Variants in SDK2 observed in about 807,000 individuals in gnomAD.
The protein encoded by SDK2 is sidekick cell adhesion molecule 2.
Under a neutral mutation model 253.9 loss-of-function variants are expected in SDK2, and 105 were observed. The ratio of observed to expected loss-of-function variants is 0.41; its 90% CI spans 0.35 to 0.49. SDK2 has a LOEUF of 0.49. Among genes scored for constraint, SDK2 ranks in the 20% least tolerant of loss-of-function variants. The probability of loss-of-function intolerance (pLI) is 0.06; values close to 1 mark genes in which losing one functional copy is unlikely to be tolerated. For missense variants in SDK2, 2,608 were observed against 3,003.0 expected, an observed-to-expected ratio of 0.87 and a Z score of 3.07; for synonymous variants, 1,249 against 1,234.9, an observed-to-expected ratio of 1.01 and a Z score of -0.24.
intron 3 of SDK2, among the ~76,000 whole-genome samples, chr17:73,469,991 C>CGCGCGT (rs2063634574): frequency 9.9e-6 from 1 of 100,762 alleles, no homozygotes; most frequent in South Asian, 3.1e-4. Flanking sequence ...TGCGCGCGCG[C>CGCGCGT]GCACACACAC....
rs541270414 is a variant in SDK2, at chr17:73,423,393, C to T, written c.1890G>A (p.Ser630=). Residue 630 remains serine (S), a synonymous_variant, in exon 14 of 45, where the codon TCG becomes TCA. Transcript: ENST00000392650. The stretch of plus-strand genomic sequence containing the variant: ...TGACCACGGGAAGCTTACTGTTCTC[C>T]GACATCTCCAGAATGTAGCGGATCA... ...SPLIRYILEM[S]ENNAPWTVLL... 4.7e-5 allele frequency: 70 copies of T among 1,482,842 alleles called. No individual in the cohort carries two copies. The highest frequency in any genetic ancestry group is 2.3e-4 in the Admixed American group (10 of 43,960). 91.9% of individuals were successfully genotyped at this position (1,482,842 alleles called of 1,614,324 possible). A position where few individuals can be genotyped will look rare whatever the true frequency, so the allele number is the denominator to read the frequency against.
At chr17:73,460,637 C>T (rs2063557305) in intron 3 of SDK2, among the ~76,000 whole-genome samples, 1 of 152,306 alleles carries the variant, frequency 6.6e-6, no homozygotes, top group Non-Finnish European at 1.5e-5. Context: ...CAAAACCATT[C>T]AAATAGAATT....
At position 73,361,646 on chromosome 17, in the gene SDK2, G is replaced by A. The variant is rs368295307; in HGVS notation, c.5467+38C>T. The A allele has an allele frequency of 4.5e-5, 72 of 1,590,158 alleles. No homozygotes were observed. In the Middle Eastern group the frequency reaches 1.2e-3, roughly 26 times the overall value. ...CCCTTCTGACTGGGGACGCTGAACC[G>A]CCGTGTGGAAGACATGCCTGGTCCG... On this transcript the variant is annotated intron_variant, in intron 39 of 44. Coordinates refer to ENST00000392650, the MANE Select transcript of SDK2 (RefSeq NM_001144952.2). This position sits in a 1 kb window ranked among gnomAD's most constrained non-coding sequence, Gnocchi z 4.1.
intron 40 of SDK2, among the ~76,000 whole-genome samples, chr17:73,355,019 C>T (rs996306105): frequency 3.3e-5 from 5 of 151,268 alleles, no homozygotes; most frequent in Non-Finnish European, 7.4e-5. Flanking sequence ...TCCCCACTTC[C>T]AGTGTGGATC....
intron 20 of SDK2, 104 bp from the exon 21 acceptor site, chr17:73,401,315 C>T (rs758404092): frequency 4.2e-5 from 47 of 1,112,918 alleles, no homozygotes; most frequent in Non-Finnish European, 5.3e-5. Context: ...ATTAGATCCA[C>T]GCTGGGAGCA....
chr17:73,611,750 C>T (rs547274078), intron 1 of SDK2, among the ~76,000 whole-genome samples: 14 of 152,380 alleles, frequency 9.2e-5, no homozygotes, highest in Admixed American at 4.6e-4. Flanking sequence ...CCACTCCACG[C>T]TCCTCCTATT....
Position 73,455,349 on chromosome 17 carries a change from C to T in SDK2, c.479+557G>A, listed in dbSNP as rs1020148869. On this transcript the variant is annotated intron_variant, in intron 4 of 44. Coordinates refer to ENST00000392650, the MANE Select transcript of SDK2 (RefSeq NM_001144952.2). This position sits in a 1 kb window ranked among gnomAD's most constrained non-coding sequence, Gnocchi z 5.0. ...CCTCCTGCCCACAGGCTGGGCTGCCCCAGCCAATCCCAGGGGGCACACAGA... is the reference window on the plus strand; with the variant it reads ...CCTCCTGCCCACAGGCTGGGCTGCCTCAGCCAATCCCAGGGGGCACACAGA... Among the ~76,000 whole-genome samples, 3 of 152,166 alleles carry T rather than the reference C, an allele frequency of 2.0e-5. No homozygotes were observed. Among genetic ancestry groups the T allele is most frequent in the African/African-American group, 7.2e-5 (3 of 41,450 alleles).
At chr17:73,485,085 C>T (rs552329626) in intron 2 of SDK2, among the ~76,000 whole-genome samples, 6 of 152,212 alleles carry the variant, frequency 3.9e-5, no homozygotes, top group Admixed American at 6.5e-5. Context: ...AGGCACTAGG[C>T]GTTAGGACAT....
At chr17:73,388,141 G>C in intron 29 of SDK2, 104 bp from the exon 30 acceptor site, 1 of 787,386 alleles carries the variant, frequency 1.3e-6, no homozygotes, top group Non-Finnish European at 2.1e-6. Flanking sequence ...GCTCAGGCCT[G>C]GCATCCCCTT....
At chr17:73,632,627 AT>A (rs1408136418) in intron 1 of SDK2, among the ~76,000 whole-genome samples, 1 of 152,154 alleles carries the variant, frequency 6.6e-6, no homozygotes, top group African/African-American at 2.4e-5. Context: ...AATACTCTTA[AT>A]AAACTCCCCT....
chr17:73,338,309 G>A lies in SDK2; in HGVS notation c.*278C>T. On this transcript the variant is annotated 3_prime_UTR_variant, in exon 45 of 45. Coordinates refer to ENST00000392650, the MANE Select transcript of SDK2 (RefSeq NM_001144952.2). The surrounding 1 kb of genome is among the most constrained non-coding windows in gnomAD (Gnocchi z 5.0). ...CCCGCCCCACTCCGTGTCCATAGCA[G>A]TGACACAGCCACTTCCCCAGCTCCG... The A allele has an allele frequency of 1.7e-6, 1 of 598,616 alleles. No individual in the cohort carries two copies. The highest frequency in any genetic ancestry group is 3.1e-6 in the Non-Finnish European group (1 of 319,158). 37.1% of individuals were successfully genotyped at this position (598,616 alleles called of 1,614,324 possible).
At chr17:73,444,681 C>T (rs2063439527) in intron 5 of SDK2, among the ~76,000 whole-genome samples, 1 of 152,224 alleles carries the variant, frequency 6.6e-6, no homozygotes, top group Non-Finnish European at 1.5e-5. Flanking sequence ...CCACCTGTGC[C>T]ACCTCATTTA....
chr17:73,480,890 T>C (rs1434147081), intron 2 of SDK2, among the ~76,000 whole-genome samples: 2 of 152,170 alleles, frequency 1.3e-5, no homozygotes, highest in Non-Finnish European at 2.9e-5. Flanking sequence ...CCAGGGCACC[T>C]CAGGAACAGC....
chr17:73,456,420 G>A (rs1479752318), intron 3 of SDK2, among the ~76,000 whole-genome samples: 4 of 152,100 alleles, frequency 2.6e-5, no homozygotes, highest in Non-Finnish European at 5.9e-5. Context: ...ATTTGAACTC[G>A]GACCTTAAAC....
rs759027121 is a variant in SDK2, at chr17:73,570,610, C to T, written c.65-63013G>A. ...CTACCCGTGAGGCACTGAACACCAC[C>T]ATCAGCTCACCGCCATCTCGCAGCC... is the stretch of plus-strand genomic sequence containing the variant. On this transcript the variant is annotated intron_variant, in intron 1 of 44. Transcript: ENST00000392650. The surrounding 1 kb of genome is among the most constrained non-coding windows in gnomAD (Gnocchi z 4.2). 6.6e-6 allele frequency among the ~76,000 whole-genome samples: 1 copy of T among 152,198 alleles called. No individual in the cohort carries two copies. Among genetic ancestry groups the T allele is most frequent in the African/African-American group, 2.4e-5 (1 of 41,446 alleles).
intron 2 of SDK2, among the ~76,000 whole-genome samples, chr17:73,484,356 TC>T (rs2063757254): frequency 6.6e-6 from 1 of 152,188 alleles, no homozygotes; most frequent in Non-Finnish European, 1.5e-5. Context: ...GACCCACTTC[TC>T]CGGGCTCACT....
In SDK2 at chr17:73,437,789, T is replaced by G; in HGVS notation, c.950A>C (p.His317Pro). The G allele has an allele frequency of 6.2e-7, 1 of 1,614,004 alleles. No individual in the cohort carries two copies. The highest frequency in any genetic ancestry group is 1.7e-5 in the Admixed American group (1 of 60,024). ...CACCTTCTCCATCTCCGCAGTGATG[T>G]GTCTTTCTGGCTCCTTGACAAACTG... is the stretch of plus-strand genomic sequence containing the variant. ...PPQFVKEPER[H>P]ITAEMEKVVD... The change falls in exon 8 of 45, where the codon CAC (histidine) becomes CCC (proline). Residue 317 changes from histidine (H) to proline (P), a missense_variant. Around this residue, in one of 2 missense-constraint regions of SDK2, gnomAD observed 1,505 missense variants for 1,859.1 expected, o/e 0.81. Transcript: ENST00000392650.
chr17:73,352,402 C>A lies in SDK2; in HGVS notation c.5758+71G>T. ...GGTGCCCTGGTGCCTCTCCTCCTTC[C>A]GCCCTGCCCAGTGTCAGCCCCCAGG... On this transcript the variant is annotated intron_variant, in intron 41 of 44. Transcript: ENST00000392650. This position sits in a 1 kb window ranked among gnomAD's most constrained non-coding sequence, Gnocchi z 4.1. 1 of 1,530,236 alleles carries A rather than the reference C, an allele frequency of 6.5e-7. No individual in the cohort carries two copies. The highest frequency in any genetic ancestry group is 8.8e-7 in the Non-Finnish European group (1 of 1,133,382). 94.8% of individuals were successfully genotyped at this position (1,530,236 alleles called of 1,614,324 possible).
At chr17:73,411,633 G>A (rs369492233) in intron 18 of SDK2, among the ~76,000 whole-genome samples, 9 of 152,174 alleles carry the variant, frequency 5.9e-5, no homozygotes, top group South Asian at 2.1e-4. Context: ...TTAGTCCTCC[G>A]TGGGGAGGAC....
Sources: allele counts gnomAD v4.1 joint callset (sites outside exome capture counted in the v4.1 genomes callset), GRCh38; gene constraint gnomAD v4.1.1; regional missense constraint gnomAD v4.1.1; non-coding constraint Gnocchi (gnomAD v3.1); transcripts MANE v1.5; gene names NCBI Gene and HGNC (gene_info 2026-07-23, HGNC 2026-07-21).